Variants in EML1 observed in about 807,000 individuals in gnomAD.
The protein encoded by EML1 is echinoderm microtubule-associated protein-like 1.
A neutral mutation model predicts 110.4 loss-of-function variants in EML1; 27 were observed. The observed-to-expected ratio is 0.24, with a 90% CI of 0.18 to 0.34. The LOEUF is 0.34. Among genes scored for constraint, EML1 ranks in the 10% least tolerant of loss-of-function variants. The pLI is 1.00. For synonymous variants in EML1, 344 were observed against 385.8 expected, an observed-to-expected ratio of 0.89 and a Z score of 1.27; for missense variants, 741 against 1,030.9, an observed-to-expected ratio of 0.72 and a Z score of 3.85.
chr14:99,839,661 A>G (rs1200416161), intron 1 of EML1, among the ~76,000 whole-genome samples: 1 of 152,216 alleles, frequency 6.6e-6, no homozygotes, highest in East Asian at 1.9e-4. Flanking sequence ...TTTAATCAAT[A>G]TTCGATGACA....
chr14:99,871,059 T>C (rs1195016052), intron 3 of EML1, among the ~76,000 whole-genome samples: 2 of 151,976 alleles, frequency 1.3e-5, no homozygotes, highest in Non-Finnish European at 2.9e-5. Context: ...CGGGTTCAAG[T>C]GATTCTCCTG....
chr14:99,926,841 T>G (rs1422014915), intron 17 of EML1, among the ~76,000 whole-genome samples: 1 of 151,732 alleles, frequency 6.6e-6, no homozygotes, highest in Admixed American at 6.6e-5. Flanking sequence ...TCCCTCAAGC[T>G]CAAGCAATCC....
chr14:99,772,195 C>T (rs937143249), upstream of EML1, among the ~76,000 whole-genome samples: 2 of 152,224 alleles, frequency 1.3e-5, no homozygotes, highest in Non-Finnish European at 2.9e-5. Flanking sequence ...ACTTGTTAGA[C>T]TCACACCTCA....
intron 4 of EML1, among the ~76,000 whole-genome samples, chr14:99,881,407 A>C (rs1360339313): frequency 6.6e-6 from 1 of 152,164 alleles, no homozygotes; most frequent in African/African-American, 2.4e-5. Context: ...CTTCAGAAAA[A>C]CAGTTCCATC....
intron 1 of EML1, among the ~76,000 whole-genome samples, chr14:99,754,410 C>T (rs2057220752): frequency 6.6e-6 from 1 of 152,184 alleles, no homozygotes; most frequent in South Asian, 2.1e-4. Context: ...TGGGAGTCCT[C>T]TGGGGGTGCA....
At chr14:99,773,529 C>G (rs1016506407) in exon 1 of EML1, 2 of 152,250 alleles carry the variant, frequency 1.3e-5, no homozygotes, top group African/African-American at 4.8e-5. Context: ...TTACCCCAGG[C>G]AATTCTCCAT....
chr14:99,924,188 T>TA (rs397935529), intron 17 of EML1, among the ~76,000 whole-genome samples: 1 of 152,194 alleles, frequency 6.6e-6, no homozygotes, highest in Non-Finnish European at 1.5e-5. Flanking sequence ...GTGTTTTTTT[T>TA]ATGCCATTGT....
upstream of EML1, among the ~76,000 whole-genome samples, chr14:99,790,865 C>CTTTTTTTTTTTTTTTTTTTTTTTT (rs763959981): frequency 1.8e-4 from 25 of 138,472 alleles, 1 homozygote; most frequent in African/African-American, 3.1e-4. Flanking sequence ...TTTTTCTTTT[C>CTTTTTTTTTTTTTTTTTTTTTTTT]CTTTTTTTTT....
At chr14:99,885,294 A>C (rs1012345777) in intron 4 of EML1, among the ~76,000 whole-genome samples, 3 of 152,240 alleles carry the variant, frequency 2.0e-5, no homozygotes, top group African/African-American at 7.2e-5. Flanking sequence ...GTCCAGCCTG[A>C]TGGTCTAGCC....
At position 99,914,284 on chromosome 14, in the gene EML1, G is replaced by T; in HGVS notation, c.1600G>T (p.Asp534Tyr). Reference protein sequence around the residue: ...NFVLQGTLSGDFTPITQGHTD... With the variant: ...NFVLQGTLSGYFTPITQGHTD... ...TGTCCTGCAGGGCACTCTGTCAGGG[G>T]ACTTCACACCCATTACTCAGGTACG... Residue 534 changes from aspartate (D) to tyrosine (Y), a missense_variant, in exon 14 of 22, where the codon GAC becomes TAC. By Grantham distance (160) the Asp-to-Tyr change is radical (BLOSUM62 -3). This residue lies in a region of EML1 where 388 missense variants were observed against 605.6 expected (regional missense o/e 0.64). Transcript: ENST00000262233. The T allele has an allele frequency of 1.9e-6, 3 of 1,613,588 alleles. No individual in the cohort carries two copies. The highest frequency in any genetic ancestry group is 1.1e-5 in the South Asian group (1 of 91,058).
In EML1 at chr14:99,784,863, A is replaced by G. The variant is rs1362823811; in HGVS notation, c.-27+10850A>G. On this transcript the variant is annotated intron_variant, in intron 1 of 22. Transcript: ENST00000327921. This position sits in a 1 kb window ranked among gnomAD's most constrained non-coding sequence, Gnocchi z 4.5. ...CCAAGGAGCTCACAGACTGAGTGGA[A>G]AGACATTTCCAACAGCAGGAATCTC... 1.3e-5 allele frequency among the ~76,000 whole-genome samples: 2 copies of G among 152,208 alleles called. No homozygotes were observed. The highest frequency in any genetic ancestry group is 2.4e-5 in the African/African-American group (1 of 41,452).
At chr14:99,815,548 A>G (rs2058153932) in intron 1 of EML1, among the ~76,000 whole-genome samples, 1 of 152,116 alleles carries the variant, frequency 6.6e-6, no homozygotes, top group Non-Finnish European at 1.5e-5. Flanking sequence ...TAATTGATCT[A>G]TTTTTCTTCT....
Position 99,897,269 on chromosome 14 carries a change from G to A in EML1, c.802G>A (p.Ala268Thr), listed in dbSNP as rs764781997. 15 of 1,611,344 alleles carry A rather than the reference G, an allele frequency of 9.3e-6. No homozygotes were observed. The highest frequency in any genetic ancestry group is 1.7e-4 in the Middle Eastern group (1 of 6,056). ...NVEEQLQRHY[A>T]GHNDDVKCLA... ...GGAGGAGCAACTGCAGAGGCATTAC[G>A]CTGGCCACAACGATGACGTGAAGTG... is the stretch of plus-strand genomic sequence containing the variant. Residue 268 changes from alanine to threonine, a missense_variant, in exon 7 of 22, where the codon GCT (alanine) becomes ACT (threonine). Physicochemically the swap from Ala to Thr is moderately conservative, Grantham distance 58 (BLOSUM62 0). Transcript: ENST00000262233.
chr14:99,830,596 G>A (rs1281237720), intron 1 of EML1, among the ~76,000 whole-genome samples: 1 of 151,856 alleles, frequency 6.6e-6, no homozygotes, highest in African/African-American at 2.4e-5. Context: ...TGTCACCCAG[G>A]CTGGAGTGCA....
At chr14:99,877,746 C>T (rs573957740) in intron 3 of EML1, among the ~76,000 whole-genome samples, 2 of 152,340 alleles carry the variant, frequency 1.3e-5, no homozygotes, top group South Asian at 4.1e-4. Context: ...AACCTCAGCA[C>T]TATCGACGTC....
rs749295111 is a variant in EML1, at chr14:99,939,322, T to C, written c.2317T>C (p.Phe773Leu). 1.9e-6 allele frequency: 3 copies of C among 1,614,162 alleles called. No homozygotes were observed. The highest frequency in any genetic ancestry group is 2.5e-6 in the Non-Finnish European group (3 of 1,180,016). Residue 773 changes from phenylalanine to leucine, a missense_variant, in exon 21 of 22, where the codon TTC (phenylalanine) becomes CTC (leucine). Transcript: ENST00000262233. The surrounding 1 kb of genome is among the most constrained non-coding windows in gnomAD (Gnocchi z 4.2). ...VHLFSYPCSQ[F>L]RAPSHIYGGH... ...CCTCTTCTCATACCCCTGCTCGCAG[T>C]TCAGGGTAAAGGACTTGTTTCTTCA...
chr14:99,838,938 C>CGA (rs1209212775), intron 1 of EML1: 4 of 52,392 alleles, frequency 7.6e-5, no homozygotes, highest in Non-Finnish European at 2.1e-4. Flanking sequence ...TGTGCGCGCG[C>CGA]GCGTGCATGT....
chr14:99,851,134 C>A, intron 2 of EML1, 99 bp downstream of exon 2: 1 of 1,289,608 alleles, frequency 7.8e-7, no homozygotes, highest in Non-Finnish European at 1.1e-6. Context: ...GACAGAGAAT[C>A]GAAACTTAGA....
intron 1 of EML1, among the ~76,000 whole-genome samples, chr14:99,756,408 C>T (rs140025387): frequency 1.0e-3 from 152 of 152,328 alleles, no homozygotes; most frequent in African/African-American, 3.5e-3. Context: ...CTGTGAGTCA[C>T]CGCCTGGCTC....
Sources: allele counts gnomAD v4.1 joint callset (sites outside exome capture counted in the v4.1 genomes callset), GRCh38; gene constraint gnomAD v4.1.1; regional missense constraint gnomAD v4.1.1; non-coding constraint Gnocchi (gnomAD v3.1); transcripts MANE v1.5; gene names NCBI Gene and HGNC (gene_info 2026-07-23, HGNC 2026-07-21).